The following LRIG1 variants were observed in gnomAD, a reference collection of about 807,000 sequenced individuals.
LRIG1 encodes leucine rich repeats and immunoglobulin like domains 1, also known as leucine-rich repeats and immunoglobulin-like domains protein 1.
In LRIG1, 48 loss-of-function variants were observed where a neutral mutation model predicts 99.2. That is an observed-to-expected ratio of 0.48 (90% CI 0.38 to 0.62). The LOEUF (loss-of-function observed/expected upper bound fraction) is 0.62, where lower values mean the gene tolerates loss of function less well. Ranked by LOEUF, LRIG1 falls within the 20% of genes least tolerant of loss-of-function variation. The pLI is 0.00. For missense variants in LRIG1, 1,646 were observed against 1,434.4 expected, an observed-to-expected ratio of 1.15 and a Z score of -2.38; for synonymous variants, 772 against 596.1, an observed-to-expected ratio of 1.29 and a Z score of -4.30.
intron 1 of LRIG1, among the ~76,000 whole-genome samples, chr3:66,473,177 A>C (rs564540966): frequency 6.6e-6 from 1 of 152,348 alleles, no homozygotes; most frequent in South Asian, 2.1e-4. Context: ...GTTTGTTTTC[A>C]ACAAATACAT....
chr3:66,431,149 C>T (rs1703159848), intron 3 of LRIG1, among the ~76,000 whole-genome samples: 1 of 152,168 alleles, frequency 6.6e-6, no homozygotes, highest in Non-Finnish European at 1.5e-5. Context: ...GAACTGAACC[C>T]CTCTGATTTC....
At chr3:66,401,690 G>C (rs985796881) in intron 9 of LRIG1, 6 of 1,522,832 alleles carry the variant, frequency 3.9e-6, no homozygotes, top group Non-Finnish European at 5.3e-6. Flanking sequence ...GCTGCTGCCA[G>C]GAGAAAGGAG....
chr3:66,406,610 C>T (rs532518199), intron 8 of LRIG1, among the ~76,000 whole-genome samples: 128 of 152,340 alleles, frequency 8.4e-4, no homozygotes, highest in African/African-American at 2.9e-3. Context: ...CCACCACTGT[C>T]CTCTGAAACC....
At chr3:66,423,294 G>C (rs1271679010) in intron 3 of LRIG1, among the ~76,000 whole-genome samples, 1 of 152,186 alleles carries the variant, frequency 6.6e-6, no homozygotes, top group African/African-American at 2.4e-5. Context: ...AACAAGGCCA[G>C]GCACGGTGGC....
At chr3:66,383,425 T>TAGTC in intron 14 of LRIG1, 24 bp from the exon 15 acceptor site, 1 of 1,520,882 alleles carries the variant, frequency 6.6e-7, no homozygotes, top group South Asian at 1.3e-5. Flanking sequence ...ACAGAGATCT[T>TAGTC]AGTCATTCTC....
At chr3:66,433,037 T>C (rs17044535) in intron 3 of LRIG1, among the ~76,000 whole-genome samples, 6,132 of 152,262 alleles carry the variant, frequency 0.04, 397 homozygotes, top group African/African-American at 0.14. Flanking sequence ...ATATTTAGGA[T>C]GACTGGAGTG....
rs1409523729 is a variant in LRIG1 at position 66,383,059 on chromosome 3, A to G, written c.2414T>C (p.Val805Ala). 1 of 1,614,202 alleles carries G rather than the reference A, an allele frequency of 6.2e-7. No individual in the cohort carries two copies. The highest frequency in any genetic ancestry group is 1.1e-5 in the South Asian group (1 of 91,086). The change falls in exon 15 of 19, where the codon GTC becomes GCC. Residue 805 changes from valine to alanine, a missense_variant. Transcript: ENST00000273261. ...IFTIAVVSSI[V>A]LTSLVWVCII... Reference sequence around the variant, plus strand: ...GCACACCCAGACCAGTGACGTCAGGACGATGCTGCTCACGACAGCAATGGT... The same window carrying G: ...GCACACCCAGACCAGTGACGTCAGGGCGATGCTGCTCACGACAGCAATGGT...
chr3:66,410,764 G>A (rs1290540968), intron 6 of LRIG1, among the ~76,000 whole-genome samples: 2 of 152,220 alleles, frequency 1.3e-5, no homozygotes, highest in Non-Finnish European at 2.9e-5. Flanking sequence ...AGAAAGGAGA[G>A]CGAATAGGAG....
chr3:66,381,500 T>G lies in LRIG1; in HGVS notation c.2749A>C (p.Thr917Pro). The change falls in exon 17 of 19, where the codon ACA becomes CCA. Residue 917 changes from threonine to proline, a missense_variant. Physicochemically the swap from Thr to Pro is conservative, Grantham distance 38 (BLOSUM62 -1). Transcript: ENST00000273261. Reference sequence around the variant, plus strand: ...ATACCCATCTTATGTGGCCCAGGTGTCCCTTCAGCTTTCTCCATCGCTTTC... The same window carrying G: ...ATACCCATCTTATGTGGCCCAGGTGGCCCTTCAGCTTTCTCCATCGCTTTC... The part of the protein sequence containing the change: ...PWKAMEKAEG[T>P]PGPHKMEHGG... 6.2e-7 allele frequency: 1 copy of G among 1,613,648 alleles called. No individual in the cohort carries two copies. Among genetic ancestry groups the G allele is most frequent in the Non-Finnish European group, 8.5e-7 (1 of 1,179,606 alleles).
chr3:66,393,947 C>T (rs1160005134), intron 12 of LRIG1, 93 bp downstream of exon 12: 1 of 1,376,956 alleles, frequency 7.3e-7, no homozygotes, highest in African/African-American at 1.4e-5. Flanking sequence ...CTGGGGTTTA[C>T]TCTGATCACA....
intron 9 of LRIG1, 31 bp downstream of exon 9, chr3:66,405,167 G>A (rs2106641987): frequency 6.2e-7 from 1 of 1,603,114 alleles, no homozygotes; most frequent in Non-Finnish European, 8.5e-7. Context: ...CCGCGCATTT[G>A]CCGGCGGAGC....
At chr3:66,457,523 G>C (rs1700256929) in intron 2 of LRIG1, among the ~76,000 whole-genome samples, 3 of 152,150 alleles carry the variant, frequency 2.0e-5, no homozygotes, top group Non-Finnish European at 4.4e-5. Flanking sequence ...TGGAGGGCTG[G>C]GCAGTTCCAA....
At chr3:66,460,436 C>G (rs114097783) in intron 2 of LRIG1, among the ~76,000 whole-genome samples, 3 of 152,294 alleles carry the variant, frequency 2.0e-5, no homozygotes, top group Admixed American at 1.3e-4. Flanking sequence ...TGCTGAAGCT[C>G]TAACCCCTAG....
At chr3:66,383,736 C>G (rs1309060014) in intron 14 of LRIG1, among the ~76,000 whole-genome samples, 1 of 137,628 alleles carries the variant, frequency 7.3e-6, no homozygotes, top group Non-Finnish European at 1.6e-5. Flanking sequence ...AAGCCCACAT[C>G]CATCCTGTCC....
rs186360737 is a variant in LRIG1, at chr3:66,448,581, A to G, written c.365+2978T>C. Among the ~76,000 whole-genome samples the G allele has an allele frequency of 6.0e-4, 91 of 152,280 alleles. No individual in the cohort carries two copies. In the Middle Eastern group the frequency reaches 0.01, roughly 17 times the overall value. ...ATCTGCTTCAACTTCCTCATCTGAG[A>G]AAAAAAGTAACGTATGTATCCCAGG... On this transcript the variant is annotated intron_variant, in intron 3 of 18. Transcript: ENST00000273261.
chr3:66,413,067 A>G lies in LRIG1; in HGVS notation c.648-53T>C, dbSNP rs942625406. On this transcript the variant is annotated intron_variant, in intron 5 of 18. Coordinates refer to ENST00000273261, the MANE Select transcript of LRIG1 (RefSeq NM_015541.3). Reference sequence around the variant, plus strand: ...AGTGTCTTATGTGCATATCCCACCCACAACCATTCTGAAGCAGTCCTGGCT... The same window carrying G: ...AGTGTCTTATGTGCATATCCCACCCGCAACCATTCTGAAGCAGTCCTGGCT... 9 of 1,600,234 alleles carry G rather than the reference A, an allele frequency of 5.6e-6. No homozygotes were observed. The African/African-American group carries it at 9.4e-5, about 17-fold the overall frequency.
At chr3:66,381,450 A>T in intron 17 of LRIG1, 29 bp downstream of exon 17, 1 of 1,596,540 alleles carries the variant, frequency 6.3e-7, no homozygotes, top group Non-Finnish European at 8.6e-7. Flanking sequence ...TTCAGAAAGA[A>T]ACTACTTCCA....
intron 6 of LRIG1, among the ~76,000 whole-genome samples, chr3:66,410,967 C>G (rs955323854): frequency 6.6e-6 from 1 of 152,242 alleles, no homozygotes; most frequent in Non-Finnish European, 1.5e-5. Context: ...TGGCGTCAGA[C>G]TACCTGGATT....
chr3:66,386,322 T>C, intron 12 of LRIG1, 21 bp from the exon 13 acceptor site: 4 of 1,603,350 alleles, frequency 2.5e-6, no homozygotes, highest in Non-Finnish European at 3.4e-6. Context: ...AAGGGTCAAC[T>C]GTAAAGCGCT....
Sources: allele counts gnomAD v4.1 joint callset (sites outside exome capture counted in the v4.1 genomes callset), GRCh38; gene constraint gnomAD v4.1.1; transcripts MANE v1.5; gene names NCBI Gene and HGNC (gene_info 2026-07-23, HGNC 2026-07-21).